The following DNAH1 variants were observed in gnomAD, a reference collection of about 807,000 sequenced individuals.
DNAH1 encodes dynein axonemal heavy chain 1, also known as axonemal beta dynein heavy chain 1.
DNAH1 carries 327 observed loss-of-function variants against 484.3 expected under a neutral mutation model. The ratio of observed to expected loss-of-function variants is 0.68; its 90% CI spans 0.62 to 0.74. DNAH1 has a LOEUF of 0.74. Among genes scored for constraint, DNAH1 ranks in the 30% least tolerant of loss-of-function variants. The pLI, the probability that DNAH1 is intolerant of heterozygous loss-of-function variation, is 0.00. For missense variants in DNAH1, 5,052 were observed against 5,546.8 expected, an observed-to-expected ratio of 0.91 and a Z score of 2.83; for synonymous variants, 2,192 against 2,191.9, an observed-to-expected ratio of 1.00 and a Z score of 0.00.
In DNAH1 at chr3:52,349,089, C is replaced by T. The variant is rs750105161; in HGVS notation, c.2300+8C>T. The T allele has an allele frequency of 8.1e-6, 13 of 1,612,858 alleles. No homozygotes were observed. The highest frequency in any genetic ancestry group is 3.3e-5 in the Admixed American group (2 of 60,012). The stretch of plus-strand genomic sequence containing the variant: ...CATTGCCTCCTTTCTCAAGTGCGTA[C>T]GTGTGCCCATGCACGTCGGAGGGTG... On this transcript the variant is annotated splice_region_variant and intron_variant, in intron 13 of 77. Coordinates refer to ENST00000420323, the MANE Select transcript of DNAH1 (RefSeq NM_015512.5).
rs763065121 is a variant in DNAH1 at position 52,350,623 on chromosome 3, G to C, written c.2729+33G>C. ...GGAGCTTGGCCCCCATGCCAGGTGC[G>C]GGGTGGAGCATGAGGGGAGCTGCTG... On this transcript the variant is annotated intron_variant, in intron 16 of 77. Transcript: ENST00000420323. 1.5e-5 allele frequency: 24 copies of C among 1,600,326 alleles called. No homozygotes were observed. The African/African-American group carries it at 2.8e-4, about 19-fold the overall frequency.
rs767365254 is a variant in DNAH1 at position 52,381,730 on chromosome 3, C to G, written c.7699C>G (p.His2567Asp). 2.5e-6 allele frequency: 4 copies of G among 1,606,560 alleles called. No homozygotes were observed. The highest frequency in any genetic ancestry group is 3.4e-6 in the Non-Finnish European group (4 of 1,177,290). The stretch of plus-strand genomic sequence containing the variant: ...GGTCCTCTTCATGGACGCCATGAGC[C>G]ACATCTGTCGCATCAGCCGCACCCT... Reference protein sequence around the residue: ...KLVLFMDAMSHICRISRTLRQ... With the variant: ...KLVLFMDAMSDICRISRTLRQ... Residue 2567 changes from histidine to aspartate, a missense_variant, in exon 49 of 78, where the codon CAC (histidine) becomes GAC (aspartate). This residue lies in a region of DNAH1 where 2,929 missense variants were observed against 3,409.4 expected (regional missense o/e 0.86). Transcript: ENST00000420323. The surrounding 1 kb of genome is among the most constrained non-coding windows in gnomAD (Gnocchi z 4.1).
In DNAH1 at chr3:52,370,834, A is replaced by G. The variant is rs1160049297; in HGVS notation, c.6525+9A>G. 1 of 1,583,296 alleles carries G rather than the reference A, an allele frequency of 6.3e-7. No individual in the cohort carries two copies. Among genetic ancestry groups the G allele is most frequent in the Non-Finnish European group, 8.6e-7 (1 of 1,165,432 alleles). On this transcript the variant is annotated intron_variant, in intron 41 of 77. Transcript: ENST00000420323. ...AGGAGGAATACAAGCAGGTGGCCGC[A>G]GGCCCTCCCCAGAGACTGCACAGGG...
intron 3 of DNAH1, among the ~76,000 whole-genome samples, chr3:52,325,390 G>T (rs866760068): frequency 6.6e-6 from 1 of 152,282 alleles, no homozygotes; most frequent in Non-Finnish European, 1.5e-5. Context: ...TCAGGAGGCT[G>T]CCCAGAGCCC....
rs1478858164 is a variant in DNAH1 at position 52,368,690 on chromosome 3, C to T, written c.5766-51C>T. 9 of 1,575,906 alleles carry T rather than the reference C, an allele frequency of 5.7e-6. No individual in the cohort carries two copies. The highest frequency in any genetic ancestry group is 1.7e-5 in the Admixed American group (1 of 58,736). ...GGCTTCCCTGGGAGCCAGCTGTGCT[C>T]GAAGCACCGCCTCCCTGATGTTTCC... On this transcript the variant is annotated intron_variant, in intron 36 of 77. Coordinates refer to ENST00000420323, the MANE Select transcript of DNAH1 (RefSeq NM_015512.5). This position sits in a 1 kb window ranked among gnomAD's most constrained non-coding sequence, Gnocchi z 4.4.
chr3:52,347,884 T>C lies in DNAH1; in HGVS notation c.2016T>C (p.Tyr672=), dbSNP rs1702210870. ...TGCTGGACAGCTCTGGGGTGCACTATAGCACCCCACTGGAGCAGTTTGAGG... is the reference window on the plus strand; with the variant it reads ...TGCTGGACAGCTCTGGGGTGCACTACAGCACCCCACTGGAGCAGTTTGAGG... ...DLVLDSSGVH[Y]STPLEQFEAS... is the part of the protein sequence containing the mutation. The change falls in exon 12 of 78, where the codon TAT becomes TAC. Residue 672 remains tyrosine, a synonymous_variant. Coordinates refer to ENST00000420323, the MANE Select transcript of DNAH1 (RefSeq NM_015512.5). The C allele has an allele frequency of 6.2e-7, 1 of 1,607,226 alleles. No individual in the cohort carries two copies. Among genetic ancestry groups the C allele is most frequent in the Non-Finnish European group, 8.5e-7 (1 of 1,176,802 alleles).
chr3:52,345,727 C>G, intron 10 of DNAH1, 21 bp downstream of exon 10: 1 of 1,604,584 alleles, frequency 6.2e-7, no homozygotes, highest in South Asian at 1.1e-5. Flanking sequence ...ATCAAGGGCA[C>G]AGGGGGCAAA....
Position 52,353,650 on chromosome 3 carries a change from G to T in DNAH1, c.3480+17G>T. 1 of 1,563,476 alleles carries T rather than the reference G, an allele frequency of 6.4e-7. No homozygotes were observed. Among genetic ancestry groups the T allele is most frequent in the East Asian group, 2.4e-5 (1 of 41,410 alleles). On this transcript the variant is annotated intron_variant, in intron 20 of 77. Coordinates refer to ENST00000420323, the MANE Select transcript of DNAH1 (RefSeq NM_015512.5). The surrounding 1 kb of genome is among the most constrained non-coding windows in gnomAD (Gnocchi z 5.0). ...ATCGAGCAGGTGGGTAGCCACCAGCGGGCCCAGCCACTCCAGCCAGGCCCT... is the reference window on the plus strand; with the variant it reads ...ATCGAGCAGGTGGGTAGCCACCAGCTGGCCCAGCCACTCCAGCCAGGCCCT...
chr3:52,361,051 C>A lies in DNAH1; in HGVS notation c.4686-113C>A. The A allele has an allele frequency of 9.0e-7, 1 of 1,105,184 alleles. No individual in the cohort carries two copies. Among genetic ancestry groups the A allele is most frequent in the Non-Finnish European group, 1.2e-6 (1 of 832,674 alleles). The allele number at this position is 1,105,184 out of a possible 1,614,324, so 68.5% of individuals were successfully genotyped here. ...CCCCGGAGCCAGGGCTGGGCACACC[C>A]CAGCCCACCAAAAGGGGACGGGGCG... is the stretch of plus-strand genomic sequence containing the variant. On this transcript the variant is annotated intron_variant, in intron 28 of 77. Transcript: ENST00000420323. The surrounding 1 kb of genome is among the most constrained non-coding windows in gnomAD (Gnocchi z 5.6).
chr3:52,335,514 G>A (rs1291853987), intron 8 of DNAH1, among the ~76,000 whole-genome samples: 1 of 148,142 alleles, frequency 6.8e-6, no homozygotes, highest in Admixed American at 6.8e-5. Flanking sequence ...TCACCATGTT[G>A]GCCAGGTTGG....
At chr3:52,320,335 G>C (rs1398372532) in intron 1 of DNAH1, among the ~76,000 whole-genome samples, 1 of 152,256 alleles carries the variant, frequency 6.6e-6, no homozygotes, top group Non-Finnish European at 1.5e-5. Flanking sequence ...GGCCACCAGA[G>C]ACTGGATTCA....
At position 52,379,593 on chromosome 3, in the gene DNAH1, G is replaced by A. The variant is rs1391356449; in HGVS notation, c.7378-312G>A. The stretch of plus-strand genomic sequence containing the variant: ...AGGTTTGGGGTTAGGGGAGCGACAG[G>A]GGGCTAAAAGGTGGAAGTGAGGTGC... On this transcript the variant is annotated intron_variant, in intron 47 of 77. Coordinates refer to ENST00000420323, the MANE Select transcript of DNAH1 (RefSeq NM_015512.5). This position sits in a 1 kb window ranked among gnomAD's most constrained non-coding sequence, Gnocchi z 4.4. Among the ~76,000 whole-genome samples, 1 of 152,150 alleles carries A rather than the reference G, an allele frequency of 6.6e-6. No individual in the cohort carries two copies. Among genetic ancestry groups the A allele is most frequent in the Non-Finnish European group, 1.5e-5 (1 of 68,026 alleles).
intron 9 of DNAH1, 118 bp downstream of exon 9, chr3:52,344,765 C>T: frequency 9.1e-7 from 1 of 1,101,892 alleles, no homozygotes; most frequent in Non-Finnish European, 1.3e-6. Context: ...CCCAACACTC[C>T]CTGCACCTCC....
In DNAH1 at chr3:52,397,780, A is replaced by C. The variant is rs769848353; in HGVS notation, c.11861A>C (p.Asn3954Thr). 1.4e-5 allele frequency: 22 copies of C among 1,613,748 alleles called. No individual in the cohort carries two copies. Among genetic ancestry groups the C allele is most frequent in the Non-Finnish European group, 1.8e-5 (21 of 1,179,792 alleles). Reference protein sequence around the residue: ...PEIFGLHDNANITFAQNETFA... With the variant: ...PEIFGLHDNATITFAQNETFA... ...ATCTTTGGCCTGCATGACAATGCCA[A>C]CATCACCTTTGCCCAGAACGAGACG... is the stretch of plus-strand genomic sequence containing the variant. Residue 3954 changes from asparagine (N) to threonine (T), a missense_variant, in exon 74 of 78, where the codon AAC (asparagine) becomes ACC (threonine). Physicochemically the swap from Asn to Thr is moderately conservative, Grantham distance 65. This residue lies in a region of DNAH1 where 853 missense variants were observed against 899.0 expected (regional missense o/e 0.95). Coordinates refer to ENST00000420323, the MANE Select transcript of DNAH1 (RefSeq NM_015512.5).
In DNAH1 at chr3:52,344,746, C is replaced by T. The variant is rs148029685; in HGVS notation, c.1444+99C>T. On this transcript the variant is annotated intron_variant, in intron 9 of 77. Coordinates refer to ENST00000420323, the MANE Select transcript of DNAH1 (RefSeq NM_015512.5). ...GGATTGTCTGCCCTGCCATTGTGGG[C>T]GTCATCAGCCCAACACTCCCTGCAC... 666 of 1,332,328 alleles carry T rather than the reference C, an allele frequency of 5.0e-4. 2 individuals are homozygous for T. In the African/African-American group the frequency reaches 7.6e-3, roughly 15 times the overall value. The allele number at this position is 1,332,328 out of a possible 1,614,324, so 82.5% of individuals were successfully genotyped here. A position where few individuals can be genotyped will look rare whatever the true frequency, so the allele number is the denominator to read the frequency against.
chr3:52,353,468 C>A lies in DNAH1; in HGVS notation c.3315C>A (p.Gly1105=). The change falls in exon 20 of 78, where the codon GGC becomes GGA. Residue 1105 remains glycine, a synonymous_variant. Coordinates refer to ENST00000420323, the MANE Select transcript of DNAH1 (RefSeq NM_015512.5). This position sits in a 1 kb window ranked among gnomAD's most constrained non-coding sequence, Gnocchi z 5.0. Reference sequence around the variant, plus strand: ...TGATCCAGGGGCTGCGCAACCCTGGCATGCGGATCCGGCACTGGGAGACAC... The same window carrying A: ...TGATCCAGGGGCTGCGCAACCCTGGAATGCGGATCCGGCACTGGGAGACAC... ...IPLIQGLRNP[G]MRIRHWETLS... 1.2e-6 allele frequency: 2 copies of A among 1,613,970 alleles called. No individual in the cohort carries two copies. The highest frequency in any genetic ancestry group is 2.2e-5 in the East Asian group (1 of 44,890).
At chr3:52,357,804 C>T in intron 23 of DNAH1, 69 bp downstream of exon 23, 1 of 1,575,000 alleles carries the variant, frequency 6.3e-7, no homozygotes, top group Non-Finnish European at 8.6e-7. Flanking sequence ...CAGGGCCCTG[C>T]TCAGGCTAGG....
At chr3:52,315,578 A>C (rs547200016), upstream of DNAH1, among the ~76,000 whole-genome samples, 2 of 152,316 alleles carry the variant, frequency 1.3e-5, no homozygotes, top group Admixed American at 6.5e-5. Flanking sequence ...GGATCTGAGT[A>C]AGAGATGGGC....
chr3:52,390,685 A>C (rs1158690327), intron 60 of DNAH1, among the ~76,000 whole-genome samples: 1 of 152,206 alleles, frequency 6.6e-6, no homozygotes, highest in African/African-American at 2.4e-5. Context: ...ATCTGGGGCC[A>C]TCAGTGTCCT....
Sources: allele counts gnomAD v4.1 joint callset (sites outside exome capture counted in the v4.1 genomes callset), GRCh38; gene constraint gnomAD v4.1.1; regional missense constraint gnomAD v4.1.1; non-coding constraint Gnocchi (gnomAD v3.1); transcripts MANE v1.5; gene names NCBI Gene and HGNC (gene_info 2026-07-23, HGNC 2026-07-21).